Variants in VWF observed in about 807,000 individuals in gnomAD.
VWF encodes the protein Factor VIII related antigen.
A neutral mutation model predicts 308.6 loss-of-function variants in VWF; 176 were observed. That is an observed-to-expected ratio of 0.57 (90% CI 0.50 to 0.65). VWF has a LOEUF of 0.65. Among genes scored for constraint, VWF ranks in the 30% least tolerant of loss-of-function variants. The pLI is 0.00. For synonymous variants in VWF, 1,385 were observed against 1,443.4 expected (o/e 0.96, Z 0.92); for missense variants, 3,146 against 3,648.2 (o/e 0.86, Z 3.55).
chr12:5,962,538 C>CTTTTTTTTTT (rs35124526), intron 47 of VWF, among the ~76,000 whole-genome samples: 1 of 101,592 alleles, frequency 9.8e-6, no homozygotes, highest in Non-Finnish European at 2.0e-5. Context: ...ACAGGCAATT[C>CTTTTTTTTTT]TTTTTTTTTT....
rs1306900762 is a variant in VWF, at chr12:6,018,473, T to C, written c.4945A>G (p.Ile1649Val). 6 of 1,613,528 alleles carry C rather than the reference T, an allele frequency of 3.7e-6. No homozygotes were observed. In the East Asian group the frequency reaches 6.7e-5, roughly 18 times the overall value. Residue 1649 changes from isoleucine to valine, a missense_variant, in exon 28 of 52, where the codon ATC becomes GTC. Around this residue, in one of 3 missense-constraint regions of VWF, gnomAD observed 853 missense variants for 1,177.8 expected, o/e 0.72. Coordinates refer to ENST00000261405, the MANE Select transcript of VWF (RefSeq NM_000552.5). ...AGCGTCTCAAAGTCCTGGATGAGGA[T>C]AGGGGCATTGGGCCAGCCAATCCTC... The part of the protein sequence containing the change: ...LERIGWPNAP[I>V]LIQDFETLPR...
intron 10 of VWF, among the ~76,000 whole-genome samples, chr12:6,067,306 A>C (rs1944727062): frequency 6.6e-6 from 1 of 152,212 alleles, no homozygotes; most frequent in South Asian, 2.1e-4. Context: ...GGCAGTAAAA[A>C]TGGGTGGGAA....
At chr12:6,092,128 G>GA (rs1355942415) in intron 6 of VWF, among the ~76,000 whole-genome samples, 1 of 151,930 alleles carries the variant, frequency 6.6e-6, no homozygotes, top group Non-Finnish European at 1.5e-5. Context: ...TAGGTTTTCA[G>GA]AAAAAAATAA....
chr12:6,022,060 A>G, intron 26 of VWF, 25 bp from the exon 27 acceptor site: 1 of 1,613,870 alleles, frequency 6.2e-7, no homozygotes, highest in Non-Finnish European at 8.5e-7. Context: ...TCTCATTAGG[A>G]ACCAAAACGC....
chr12:6,085,932 G>A (rs1429269449), intron 6 of VWF, among the ~76,000 whole-genome samples: 1 of 152,110 alleles, frequency 6.6e-6, no homozygotes, highest in African/African-American at 2.4e-5. Context: ...AAGTTCAAGG[G>A]AAATCTGCAA....
In VWF at chr12:5,948,899, C is replaced by T; in HGVS notation, c.*116G>A. The T allele has an allele frequency of 7.9e-7, 1 of 1,258,758 alleles. No homozygotes were observed. The highest frequency in any genetic ancestry group is 1.1e-6 in the Non-Finnish European group (1 of 886,164). The allele number at this position is 1,258,758 out of a possible 1,614,324, so 78.0% of individuals were successfully genotyped here. A position where few individuals can be genotyped will look rare whatever the true frequency, so the allele number is the denominator to read the frequency against. The stretch of plus-strand genomic sequence containing the variant: ...GCCTTTTGCAAGATAAGAGCTCAGC[C>T]TTTATTGTGGGCTCAGAAGGGCACA... On this transcript the variant is annotated 3_prime_UTR_variant, in exon 52 of 52. Transcript: ENST00000261405. The surrounding 1 kb of genome is among the most constrained non-coding windows in gnomAD (Gnocchi z 4.4).
At chr12:6,095,433 G>T in intron 6 of VWF, 27 bp downstream of exon 6, 1 of 1,613,902 alleles carries the variant, frequency 6.2e-7, no homozygotes, top group Non-Finnish European at 8.5e-7. Context: ...ACACCATCCA[G>T]GTGCACCCAG....
chr12:6,097,726 T>C (rs1452919478), intron 5 of VWF, among the ~76,000 whole-genome samples: 4 of 152,302 alleles, frequency 2.6e-5, no homozygotes, highest in Admixed American at 1.3e-4. Context: ...TTTGTGGTAA[T>C]GTGTTGGTAG....
Position 5,968,182 on chromosome 12 carries a change from AG to A in VWF, c.7730-16del. ...CTCCATGCGCTCTGGGGGAGAGAAA[AG>A]TGCAGAGTGAGAGTGGGCAAAACAC... On this transcript the variant is annotated splice_polypyrimidine_tract_variant and intron_variant, in intron 45 of 51. Coordinates refer to ENST00000261405, the MANE Select transcript of VWF (RefSeq NM_000552.5). 2 of 1,613,862 alleles carry A rather than the reference AG, an allele frequency of 1.2e-6. No homozygotes were observed. The highest frequency in any genetic ancestry group is 1.7e-6 in the Non-Finnish European group (2 of 1,179,926).
rs1289794324 is a variant in VWF at position 6,062,959 on chromosome 12, C to T, written c.1528G>A (p.Val510Met). 1.2e-6 allele frequency: 2 copies of T among 1,612,304 alleles called. No homozygotes were observed. The highest frequency in any genetic ancestry group is 3.3e-5 in the Admixed American group (2 of 59,984). Residue 510 changes from valine (V) to methionine (M), a missense_variant, in exon 13 of 52, where the codon GTG becomes ATG. Val to Met is a conservative substitution (Grantham distance 21). Coordinates refer to ENST00000261405, the MANE Select transcript of VWF (RefSeq NM_000552.5). ...TACCCCGTGAGGGCACCTACCTTCACCAGCAGCCTCCCGCGGCCATCCCAG... is the reference window on the plus strand; with the variant it reads ...TACCCCGTGAGGGCACCTACCTTCATCAGCAGCCTCCCGCGGCCATCCCAG... ...MDWDGRGRLL[V>M]KLSPVYAGKT...
At chr12:6,054,032 C>T (rs1165380305) in intron 15 of VWF, among the ~76,000 whole-genome samples, 1 of 152,196 alleles carries the variant, frequency 6.6e-6, no homozygotes, top group Non-Finnish European at 1.5e-5. Flanking sequence ...AAATGAGAAC[C>T]TCACCCTGGG....
At chr12:6,006,764 G>A (rs560339238) in intron 34 of VWF, among the ~76,000 whole-genome samples, 1 of 152,200 alleles carries the variant, frequency 6.6e-6, no homozygotes, top group Admixed American at 6.5e-5. Flanking sequence ...GGGCAACAGA[G>A]CAAGACTCCA....
At chr12:6,074,241 GC>G (rs1944814573) in intron 7 of VWF, among the ~76,000 whole-genome samples, 2 of 151,910 alleles carry the variant, frequency 1.3e-5, no homozygotes, top group South Asian at 4.1e-4. Context: ...TTTCCACTCT[GC>G]CACAAGGCTG....
intron 8 of VWF, among the ~76,000 whole-genome samples, chr12:6,073,012 G>A (rs140812735): frequency 1.3e-5 from 2 of 152,082 alleles, no homozygotes; most frequent in African/African-American, 4.8e-5. Context: ...GATTATAGGT[G>A]TGCACCACCA....
intron 44 of VWF, among the ~76,000 whole-genome samples, 197 bp downstream of exon 44, chr12:5,971,402 A>C (rs894365762): frequency 1.3e-5 from 2 of 152,180 alleles, no homozygotes; most frequent in Non-Finnish European, 2.9e-5. Context: ...AAATCTACAA[A>C]ATGGGAAGGC....
intron 50 of VWF, among the ~76,000 whole-genome samples, chr12:5,951,201 ACTGT>A (rs1006084168): frequency 2.6e-5 from 4 of 152,198 alleles, no homozygotes; most frequent in African/African-American, 9.7e-5. Context: ...TGGGAAGAAC[ACTGT>A]CTGATGTGCA....
At chr12:6,059,282 A>G (rs934377602) in intron 13 of VWF, among the ~76,000 whole-genome samples, 1 of 152,102 alleles carries the variant, frequency 6.6e-6, no homozygotes, top group Admixed American at 6.5e-5. Flanking sequence ...CCCAGGATCT[A>G]TCACTTTCCG....
chr12:6,080,607 C>CA (rs1447189246), intron 6 of VWF, among the ~76,000 whole-genome samples: 1 of 152,202 alleles, frequency 6.6e-6, no homozygotes, highest in Non-Finnish European at 1.5e-5. Context: ...GAAACAGAGT[C>CA]ACCACGGCTG....
chr12:6,062,608 G>A (rs112955348), intron 13 of VWF, among the ~76,000 whole-genome samples: 1 of 152,030 alleles, frequency 6.6e-6, no homozygotes, highest in Non-Finnish European at 1.5e-5. Flanking sequence ...TTCCCTTACT[G>A]CCCACAGTGG....
Sources: gnomAD v4.1 joint callset for allele counts (sites outside exome capture counted in the v4.1 genomes callset) on GRCh38, gnomAD v4.1.1 for gene constraint, gnomAD v4.1.1 regional missense constraint, Gnocchi (gnomAD v3.1) non-coding constraint, MANE v1.5 for transcripts, NCBI Gene and HGNC (gene_info 2026-07-23, HGNC 2026-07-21) for gene names.